Variants in KLHL1 observed in about 807,000 individuals in gnomAD.
The protein encoded by KLHL1 is kelch like family member 1.
KLHL1 carries 47 observed loss-of-function variants against 77.7 expected under a neutral mutation model. The observed-to-expected ratio is 0.60, with a 90% CI of 0.48 to 0.77. The LOEUF is 0.77. Ranked by LOEUF, KLHL1 falls within the 30% of genes least tolerant of loss-of-function variation. The pLI is 0.00. For missense variants in KLHL1, 925 were observed against 910.8 expected (o/e 1.02, Z -0.20); for synonymous variants, 360 against 325.2 (o/e 1.11, Z -1.15).
At chr13:69,823,754 C>T (rs1305470046) in intron 6 of KLHL1, among the ~76,000 whole-genome samples, 8 of 152,034 alleles carry the variant, frequency 5.3e-5, no homozygotes, top group Non-Finnish European at 1.0e-4. Context: ...TTCCACTTCT[C>T]TTACCTCTTG....
chr13:69,705,130 C>A (rs906139078), intron 10 of KLHL1, among the ~76,000 whole-genome samples: 7 of 151,488 alleles, frequency 4.6e-5, no homozygotes, highest in Admixed American at 2.0e-4. Context: ...TGGCAGTATA[C>A]CAAGATAATA....
chr13:69,898,687 G>C (rs1881737880), intron 4 of KLHL1, among the ~76,000 whole-genome samples: 2 of 152,122 alleles, frequency 1.3e-5, no homozygotes, highest in African/African-American at 4.8e-5. Flanking sequence ...GCTGACATTA[G>C]GGATATCTTA....
intron 7 of KLHL1, among the ~76,000 whole-genome samples, chr13:69,757,834 G>T (rs139566324): frequency 6.6e-6 from 1 of 151,850 alleles, no homozygotes; most frequent in African/African-American, 2.4e-5. Flanking sequence ...GCAGGTGCCT[G>T]TAATCCCAGC....
intron 1 of KLHL1, among the ~76,000 whole-genome samples, chr13:70,024,620 TTCTCTCTCTCTC>T (rs5804459): frequency 6.6e-4 from 86 of 130,402 alleles, no homozygotes; most frequent in East Asian, 1.1e-3. Flanking sequence ...GAGAAAAGAT[TTCTCTCTCTCTC>T]TCTCTCTCTC....
intron 1 of KLHL1, among the ~76,000 whole-genome samples, chr13:70,012,022 A>G (rs1024255571): frequency 6.6e-6 from 1 of 152,142 alleles, no homozygotes; most frequent in Non-Finnish European, 1.5e-5. Context: ...ACTCCTCTTT[A>G]TAAAACCATC....
intron 4 of KLHL1, among the ~76,000 whole-genome samples, chr13:69,934,962 G>GTGTATATATATATATATATATA (rs372646811): frequency 7.7e-6 from 1 of 129,818 alleles, no homozygotes; most frequent in East Asian, 2.7e-4. Context: ...GTGTGCATGT[G>GTGTATATATATATATATATATA]TATATATATA....
intron 1 of KLHL1, among the ~76,000 whole-genome samples, chr13:69,999,303 C>T (rs9542149): frequency 0.17 from 25,235 of 151,332 alleles, 2,209 homozygotes; most frequent in East Asian, 0.19. Context: ...TACCGGAAGG[C>T]GAAGATCATC....
chr13:69,904,570 T>C (rs550216756), intron 4 of KLHL1, among the ~76,000 whole-genome samples: 1 of 152,326 alleles, frequency 6.6e-6, no homozygotes, highest in South Asian at 2.1e-4. Flanking sequence ...ACACAATTAT[T>C]AGTAACTCAT....
At chr13:69,981,471 A>C (rs1426088112) in intron 1 of KLHL1, among the ~76,000 whole-genome samples, 2 of 152,008 alleles carry the variant, frequency 1.3e-5, no homozygotes, top group Non-Finnish European at 2.9e-5. Flanking sequence ...TAAAGAAATC[A>C]CTCTTACATA....
intron 7 of KLHL1, among the ~76,000 whole-genome samples, chr13:69,763,307 G>A (rs917362168): frequency 2.6e-5 from 4 of 152,116 alleles, no homozygotes; most frequent in African/African-American, 9.7e-5. Flanking sequence ...CTCAGTTGCA[G>A]GAGGTTAATA....
chr13:69,821,985 G>A (rs1566292543), intron 6 of KLHL1, among the ~76,000 whole-genome samples: 1 of 152,040 alleles, frequency 6.6e-6, no homozygotes, highest in Non-Finnish European at 1.5e-5. Context: ...AAATCACGAA[G>A]TCAGGAGTTT....
chr13:70,053,735 T>C (rs771388306), intron 1 of KLHL1, among the ~76,000 whole-genome samples: 6 of 152,122 alleles, frequency 3.9e-5, no homozygotes, highest in Non-Finnish European at 5.9e-5. Context: ...AACCTCTACA[T>C]AAAATCACTG....
intron 9 of KLHL1, among the ~76,000 whole-genome samples, chr13:69,717,307 G>C (rs1366196647): frequency 1.3e-5 from 2 of 152,104 alleles, no homozygotes; most frequent in East Asian, 3.9e-4. Context: ...TGGTTCCACA[G>C]AGGCACAGTT....
chr13:69,906,259 T>G (rs1322605421), intron 4 of KLHL1, among the ~76,000 whole-genome samples: 2 of 152,052 alleles, frequency 1.3e-5, no homozygotes, highest in Admixed American at 1.3e-4. Flanking sequence ...CCTGGGGGAA[T>G]TTTTATTACC....
intron 1 of KLHL1, among the ~76,000 whole-genome samples, chr13:70,013,409 C>T (rs943236572): frequency 1.3e-5 from 2 of 152,106 alleles, no homozygotes; most frequent in Non-Finnish European, 2.9e-5. Flanking sequence ...TCAGACAATA[C>T]CCAAAGCTTC....
At chr13:70,082,320 CA>C (rs1887413130) in intron 1 of KLHL1, among the ~76,000 whole-genome samples, 1 of 75,240 alleles carries the variant, frequency 1.3e-5, no homozygotes, top group Non-Finnish European at 2.8e-5. Context: ...GTCACACACA[CA>C]CACACACACA....
At chr13:69,718,786 C>T (rs571406823) in intron 9 of KLHL1, among the ~76,000 whole-genome samples, 13 of 152,158 alleles carry the variant, frequency 8.5e-5, no homozygotes, top group Non-Finnish European at 1.3e-4. Flanking sequence ...CTTCTATGCA[C>T]CTGGTCAATT....
At chr13:70,039,145 G>A (rs1886311554) in intron 1 of KLHL1, among the ~76,000 whole-genome samples, 1 of 146,930 alleles carries the variant, frequency 6.8e-6, no homozygotes, top group South Asian at 2.1e-4. Context: ...ATAGCTCACT[G>A]TAAACTTGAA....
At chr13:69,761,676 C>T (rs59938855) in intron 7 of KLHL1, among the ~76,000 whole-genome samples, 1,603 of 152,166 alleles carry the variant, frequency 0.011, 28 homozygotes, top group African/African-American at 0.037. Flanking sequence ...CCAATGATAA[C>T]GCATTTAATA....
Sources: allele counts gnomAD v4.1 joint callset (sites outside exome capture counted in the v4.1 genomes callset), GRCh38; gene constraint gnomAD v4.1.1; transcripts MANE v1.5; gene names NCBI Gene and HGNC (gene_info 2026-07-23, HGNC 2026-07-21).